The following ZNF483 variants were observed in gnomAD, a reference collection of about 807,000 sequenced individuals.
ZNF483 encodes the protein zinc finger protein HIT-10.
A neutral mutation model predicts 28.6 loss-of-function variants in ZNF483; 9 were observed. The ratio of observed to expected loss-of-function variants is 0.32; its 90% CI spans 0.19 to 0.55. The LOEUF is 0.55. Among genes scored for constraint, ZNF483 ranks in the 20% least tolerant of loss-of-function variants. The pLI, the probability that ZNF483 is intolerant of heterozygous loss-of-function variation, is 0.93. For missense variants in ZNF483, 675 were observed against 871.7 expected (o/e 0.77, Z 2.84); for synonymous variants, 322 against 306.2 (o/e 1.05, Z -0.54).
At chr9:111,563,010 T>C in intron 5 of ZNF483, 2 of 1,464,630 alleles carry the variant, frequency 1.4e-6, no homozygotes, top group East Asian at 2.4e-5. Flanking sequence ...CTCAAACTCA[T>C]TATGAGTACT....
intron 5 of ZNF483, 108 bp from the exon 6 acceptor site, chr9:111,541,549 A>G (rs946037728): frequency 1.2e-6 from 1 of 833,902 alleles, no homozygotes. Flanking sequence ...TTTGAGAACC[A>G]TCGAAACTAT....
rs184731389 is a variant in ZNF483, at chr9:111,549,655, G to A, written c.*6485G>A. ...CAGCGGTCGTGGTGGTGGTGGCAGC[G>A]GCAGCAGGGTTCCCCATTGATTTTC... On this transcript the variant is annotated 3_prime_UTR_variant, in exon 6 of 6. Coordinates refer to ENST00000309235, the MANE Select transcript of ZNF483 (RefSeq NM_133464.5). The A allele has an allele frequency of 2.2e-6, 3 of 1,386,446 alleles. No homozygotes were observed. The highest frequency in any genetic ancestry group is 2.5e-5 in the East Asian group (1 of 39,458). The allele number at this position is 1,386,446 out of a possible 1,614,324, so 85.9% of individuals were successfully genotyped here. A position where few individuals can be genotyped will look rare whatever the true frequency, so the allele number is the denominator to read the frequency against.
At chr9:111,577,345 C>T (rs1829103791) in exon 6 of ZNF483, 1 of 152,092 alleles carries the variant, frequency 6.6e-6, no homozygotes, top group Non-Finnish European at 1.5e-5. Flanking sequence ...AGTTGGAACC[C>T]TCATACACTG....
chr9:111,537,644 T>C (rs879373527), intron 5 of ZNF483, among the ~76,000 whole-genome samples: 11 of 151,780 alleles, frequency 7.2e-5, no homozygotes, highest in Non-Finnish European at 1.5e-4. Context: ...ATTATTATTT[T>C]GTGACAGGGT....
Position 111,548,817 on chromosome 9 carries a change from G to GTTTTTT in ZNF483, c.*5655_*5660dup, listed in dbSNP as rs11323976. Among the ~76,000 whole-genome samples, 6 of 148,022 alleles carry GTTTTTT rather than the reference G, an allele frequency of 4.1e-5. No homozygotes were observed. Among genetic ancestry groups the GTTTTTT allele is most frequent in the Non-Finnish European group, 4.5e-5 (3 of 66,818 alleles). ...CTGTATATAGAATTCTCAGTTGACA[G>GTTTTTT]TTTTTTTTTTTTTCTTTCTGCATTA... On this transcript the variant is annotated 3_prime_UTR_variant, in exon 6 of 6. Transcript: ENST00000309235.
chr9:111,567,561 G>A (rs534989290), intron 5 of ZNF483, among the ~76,000 whole-genome samples: 112 of 150,142 alleles, frequency 7.5e-4, no homozygotes, highest in African/African-American at 2.7e-3. Flanking sequence ...GAGGAGACTG[G>A]GCCAAGTAAA....
chr9:111,557,329 G>A (rs1157088211), downstream of ZNF483, among the ~76,000 whole-genome samples: 1 of 151,680 alleles, frequency 6.6e-6, no homozygotes, highest in Non-Finnish European at 1.5e-5. Context: ...AGCCGAGATG[G>A]TGCCACTGCA....
At chr9:111,535,619 C>T (rs1334554409) in intron 5 of ZNF483, among the ~76,000 whole-genome samples, 1 of 152,212 alleles carries the variant, frequency 6.6e-6, no homozygotes, top group African/African-American at 2.4e-5. Context: ...TCTCAGCTCA[C>T]TGCAACCTCT....
rs1827940269 is a variant in ZNF483 at position 111,551,394 on chromosome 9, GTTTTTGTTTTTTTTTTT to G, written c.*8230_*8246del. ...TTCCAATAACTGAATCAAGTATCCAGTTTTTGTTTTTTTTTTTTTTTTTTTTTTTTTGAGATGGAGTC... is the reference window on the plus strand; with the variant it reads ...TTCCAATAACTGAATCAAGTATCCAGTTTTTTTTTTTTTTGAGATGGAGTC... On this transcript the variant is annotated 3_prime_UTR_variant, in exon 6 of 6. Transcript: ENST00000309235. Among the ~76,000 whole-genome samples the G allele has an allele frequency of 8.7e-6, 1 of 115,514 alleles. No homozygotes were observed. The highest frequency in any genetic ancestry group is 2.6e-4 in the East Asian group (1 of 3,820). The allele number at this position is 115,514 out of a possible 152,430, so 75.8% of individuals were successfully genotyped here. A position where few individuals can be genotyped will look rare whatever the true frequency, so the allele number is the denominator to read the frequency against.
At chr9:111,527,982 C>A in intron 2 of ZNF483, 175 bp downstream of exon 2, 2 of 1,487,916 alleles carry the variant, frequency 1.3e-6, no homozygotes, top group Non-Finnish European at 8.9e-7. Context: ...TGTAAACTCT[C>A]AGAATGTAAA....
intron 5 of ZNF483, among the ~76,000 whole-genome samples, chr9:111,566,924 G>GA (rs1437432236): frequency 6.6e-6 from 1 of 151,700 alleles, no homozygotes; most frequent in Non-Finnish European, 1.5e-5. Flanking sequence ...CCTTCTCTAC[G>GA]AAAAACACAA....
At chr9:111,561,139 GAGA>G (rs1564608041) in intron 5 of ZNF483, among the ~76,000 whole-genome samples, 10 of 15,558 alleles carry the variant, frequency 6.4e-4, no homozygotes, top group African/African-American at 4.6e-3. Context: ...AGAGAGAGAG[GAGA>G]GAGAGGGAGA....
At position 111,576,321 on chromosome 9, in the gene ZNF483, A is replaced by C. The variant is rs1237270855; in HGVS notation, c.722-44A>C. On this transcript the variant is annotated intron_variant, in intron 5 of 5. Coordinates refer to the ZNF483 transcript ENST00000358151. ...AACTACTTGCTAAAATTTTATTTGTAACCTCAAACCAGTACTCACTAAGCT... is the reference window on the plus strand; with the variant it reads ...AACTACTTGCTAAAATTTTATTTGTCACCTCAAACCAGTACTCACTAAGCT... 5.6e-6 allele frequency: 9 copies of C among 1,605,298 alleles called. 1 individual carries two copies. The South Asian group carries it at 1.0e-4, about 18-fold the overall frequency.
intron 5 of ZNF483, among the ~76,000 whole-genome samples, chr9:111,560,924 C>T (rs1828266650): frequency 8.3e-6 from 1 of 120,970 alleles, no homozygotes; most frequent in South Asian, 2.6e-4. Flanking sequence ...GCCTGGGCAA[C>T]AGAGTGAGAC....
chr9:111,564,546 T>C (rs1036740066), intron 5 of ZNF483, among the ~76,000 whole-genome samples: 1 of 151,606 alleles, frequency 6.6e-6, no homozygotes, highest in Non-Finnish European at 1.5e-5. Context: ...GCTCAAGTGA[T>C]CCGCCCACCT....
Position 111,544,294 on chromosome 9 carries a change from TTC to T in ZNF483, c.*1126_*1127del, listed in dbSNP as rs1399694975. On this transcript the variant is annotated 3_prime_UTR_variant, in exon 6 of 6. Coordinates refer to ENST00000309235, the MANE Select transcript of ZNF483 (RefSeq NM_133464.5). ...TTTTTTTGCAATTGGAGTGTAAACA[TTC>T]TGTGTGGCAACAGTTAAAAGCTGTT... 20 of 985,294 alleles carry T rather than the reference TTC, an allele frequency of 2.0e-5. No homozygotes were observed. Among genetic ancestry groups the T allele is most frequent in the Non-Finnish European group, 2.4e-5 (20 of 829,950 alleles). 61.0% of individuals were successfully genotyped at this position (985,294 alleles called of 1,614,324 possible).
Position 111,574,812 on chromosome 9 carries a change from C to T in ZNF483, c.722-1553C>T, listed in dbSNP as rs146199919. 3.2e-4 allele frequency: 513 copies of T among 1,613,286 alleles called. No individual in the cohort carries two copies. The highest frequency in any genetic ancestry group is 4.1e-4 in the Non-Finnish European group (488 of 1,179,722). On this transcript the variant is annotated intron_variant, in intron 5 of 5. Coordinates refer to the ZNF483 transcript ENST00000358151. ...ATCCTTCCAAATTTCTTCATCTGGC[C>T]GATAACAGTGTTTGAAAACTCTCCA...
At chr9:111,525,893 G>T (rs1827174808) in intron 1 of ZNF483, among the ~76,000 whole-genome samples, 2 of 152,158 alleles carry the variant, frequency 1.3e-5, no homozygotes, top group African/African-American at 2.4e-5. Context: ...TGGTATGGTA[G>T]TTGCAATGCG....
intron 3 of ZNF483, among the ~76,000 whole-genome samples, chr9:111,531,197 T>TA (rs1017158290): frequency 1.3e-5 from 2 of 151,456 alleles, no homozygotes. Flanking sequence ...ACCCTGTCTC[T>TA]AAAAAAAATA....
Sources: gnomAD v4.1 joint callset for allele counts (sites outside exome capture counted in the v4.1 genomes callset) on GRCh38, gnomAD v4.1.1 for gene constraint, MANE v1.5 for transcripts, NCBI Gene and HGNC (gene_info 2026-07-23, HGNC 2026-07-21) for gene names.